The following TAS2R1 variants were observed in gnomAD, a reference collection of about 807,000 sequenced individuals.
The protein encoded by TAS2R1 is taste 2 receptor member 1.
For synonymous variants in TAS2R1, 141 were observed against 134.2 expected (o/e 1.05, Z -0.35); for missense variants, 370 against 353.4 (o/e 1.05, Z -0.38).
chr5:9,801,792 C>T, the TAS2R1 span, among the ~76,000 whole-genome samples: 1 of 152,126 alleles, frequency 6.6e-6, no homozygotes, highest in Admixed American at 6.5e-5. Flanking sequence ...GTGCATGACA[C>T]AGCAGAGGCA....
At chr5:9,888,846 A>G in the TAS2R1 span, among the ~76,000 whole-genome samples, 5,420 of 152,316 alleles carry the variant, frequency 0.036, 118 homozygotes, top group Middle Eastern at 0.054. Flanking sequence ...AGCCCAAGCA[A>G]GGATAATGCC....
chr5:9,810,362 A>T, the TAS2R1 span, among the ~76,000 whole-genome samples: 61 of 152,332 alleles, frequency 4.0e-4, no homozygotes, highest in Middle Eastern at 3.4e-3. Context: ...GTTTCAGCCC[A>T]TGTGAATATA....
At chr5:9,888,548 C>T in the TAS2R1 span, among the ~76,000 whole-genome samples, 2 of 152,164 alleles carry the variant, frequency 1.3e-5, no homozygotes, top group South Asian at 2.1e-4. Context: ...GCCTAAAGCA[C>T]GCAGATTGCA....
At position 9,678,866 on chromosome 5, in the gene TAS2R1, G is replaced by A. The variant is rs193030541; in HGVS notation, c.-241-19285C>T. ...AAGGTGATGGGTTGATGTGTGCAGC[G>A]AATCACCATGGCACATGTTTACCTA... On this transcript the variant is annotated intron_variant, in intron 1 of 2. Coordinates refer to the TAS2R1 transcript ENST00000506620. Among the ~76,000 whole-genome samples the A allele has an allele frequency of 2.1e-4, 32 of 152,156 alleles. No homozygotes were observed. The East Asian group carries it at 4.6e-3, about 22-fold the overall frequency.
the TAS2R1 span, among the ~76,000 whole-genome samples, chr5:9,753,357 G>C: frequency 3.9e-5 from 6 of 152,178 alleles, no homozygotes; most frequent in African/African-American, 1.2e-4. Context: ...CTTTTGAGAA[G>C]CATCTGTTCA....
chr5:9,674,534 C>T (rs1324065693), intron 1 of TAS2R1, among the ~76,000 whole-genome samples: 1 of 152,090 alleles, frequency 6.6e-6, no homozygotes, highest in Non-Finnish European at 1.5e-5. Flanking sequence ...CTTACCTTTC[C>T]ATGCTTCTGT....
At chr5:9,715,083 A>G (rs561311883), upstream of TAS2R1, among the ~76,000 whole-genome samples, 1 of 152,346 alleles carries the variant, frequency 6.6e-6, no homozygotes, top group Admixed American at 6.5e-5. Context: ...ATATGTCAAA[A>G]GAAACTACAC....
At chr5:9,717,362 G>A (rs1734835528), upstream of TAS2R1, among the ~76,000 whole-genome samples, 1 of 151,974 alleles carries the variant, frequency 6.6e-6, no homozygotes, top group Non-Finnish European at 1.5e-5. Context: ...AAACACAACA[G>A]TAAACTAGAA....
At chr5:9,684,521 T>C (rs1465530875) in intron 1 of TAS2R1, among the ~76,000 whole-genome samples, 1 of 152,186 alleles carries the variant, frequency 6.6e-6, no homozygotes, top group Non-Finnish European at 1.5e-5. Context: ...ACTGTATATT[T>C]TCTCCTTTTT....
intron 1 of TAS2R1, among the ~76,000 whole-genome samples, chr5:9,666,928 C>A (rs1412540345): frequency 6.6e-6 from 1 of 151,824 alleles, no homozygotes; most frequent in Non-Finnish European, 1.5e-5. Flanking sequence ...AAATCAAACA[C>A]AGAAAAGTAG....
chr5:9,837,226 C>T, the TAS2R1 span, among the ~76,000 whole-genome samples: 1 of 152,198 alleles, frequency 6.6e-6, no homozygotes, highest in African/African-American at 2.4e-5. Context: ...CTCCCACAGA[C>T]TCTTCCCGAG....
chr5:9,851,359 A>G, the TAS2R1 span, among the ~76,000 whole-genome samples: 1 of 152,316 alleles, frequency 6.6e-6, no homozygotes, highest in Admixed American at 6.5e-5. Context: ...TTTGGTGTAC[A>G]TTACAAATTT....
At chr5:9,704,498 GC>G (rs1187332526) in intron 1 of TAS2R1, among the ~76,000 whole-genome samples, 1 of 152,186 alleles carries the variant, frequency 6.6e-6, no homozygotes, top group Admixed American at 6.5e-5. Context: ...TCAAAGCACA[GC>G]AAAAGGCAGT....
chr5:9,704,545 T>C (rs1017290366), intron 1 of TAS2R1, among the ~76,000 whole-genome samples: 4 of 152,060 alleles, frequency 2.6e-5, no homozygotes, highest in Admixed American at 6.6e-5. Context: ...CATCCTAAAA[T>C]TGCAGATTTT....
the TAS2R1 span, among the ~76,000 whole-genome samples, chr5:9,783,273 C>T: frequency 2.6e-5 from 4 of 152,188 alleles, no homozygotes; most frequent in Admixed American, 6.5e-5. Context: ...ATAATCTCAA[C>T]GATTCTACTT....
the TAS2R1 span, among the ~76,000 whole-genome samples, chr5:9,804,583 C>T: frequency 6.6e-5 from 10 of 152,118 alleles, no homozygotes; most frequent in South Asian, 2.1e-4. Context: ...AAACAAACTC[C>T]GAAAGAAACC....
At chr5:9,818,301 G>T in the TAS2R1 span, among the ~76,000 whole-genome samples, 2 of 152,298 alleles carry the variant, frequency 1.3e-5, no homozygotes, top group East Asian at 3.9e-4. Context: ...AAACATTCTT[G>T]CTCTCTCAGA....
At chr5:9,814,549 T>A in the TAS2R1 span, among the ~76,000 whole-genome samples, 2 of 152,182 alleles carry the variant, frequency 1.3e-5, no homozygotes, top group African/African-American at 4.8e-5. Flanking sequence ...AAATTTAAAA[T>A]CACTGAAGCA....
intron 1 of TAS2R1, among the ~76,000 whole-genome samples, chr5:9,703,340 A>C (rs1741532264): frequency 6.6e-6 from 1 of 152,214 alleles, no homozygotes; most frequent in Non-Finnish European, 1.5e-5. Flanking sequence ...AGGCTGAATT[A>C]AAAACAATAA....
Sources: allele counts gnomAD v4.1 joint callset (sites outside exome capture counted in the v4.1 genomes callset), GRCh38; gene constraint gnomAD v4.1.1; transcripts MANE v1.5; gene names NCBI Gene and HGNC (gene_info 2026-07-23, HGNC 2026-07-21).